Variants in TTC23L observed in about 807,000 individuals in gnomAD.
The protein encoded by TTC23L is tetratricopeptide repeat domain 23 like, also known as tetratricopeptide repeat protein 23-like.
TTC23L carries 42 observed loss-of-function variants against 48.1 expected under a neutral mutation model. The observed-to-expected ratio is 0.87, with a 90% CI of 0.68 to 1.13. The LOEUF (loss-of-function observed/expected upper bound fraction) is 1.13, where lower values mean the gene tolerates loss of function less well. Ranked by LOEUF, TTC23L falls within the 50% of genes most tolerant of loss-of-function variation. The probability of loss-of-function intolerance (pLI) is 0.00; values close to 1 mark genes in which losing one functional copy is unlikely to be tolerated. For missense variants in TTC23L, 391 were observed against 421.0 expected (o/e 0.93, Z 0.62); for synonymous variants, 159 against 157.2 (o/e 1.01, Z -0.09).
the TTC23L span, chr5:34,919,971 A>G: frequency 1.7e-6 from 1 of 572,548 alleles, no homozygotes; most frequent in Admixed American, 3.6e-5. Context: ...GACTTTAAAA[A>G]TTATTTTGTA....
intron 9 of TTC23L, among the ~76,000 whole-genome samples, chr5:34,895,382 G>A (rs1036577879): frequency 2.0e-5 from 3 of 152,316 alleles, no homozygotes; most frequent in African/African-American, 7.2e-5. Flanking sequence ...CTGGTATACT[G>A]TTAAGTGCTC....
At chr5:34,904,372 G>C (rs1763582654), downstream of TTC23L, among the ~76,000 whole-genome samples, 1 of 151,090 alleles carries the variant, frequency 6.6e-6, no homozygotes, top group South Asian at 2.1e-4. Context: ...GAGGCAGGAG[G>C]ATCACAAGGT....
At chr5:34,921,135 C>T in the TTC23L span, 1 of 152,206 alleles carries the variant, frequency 6.6e-6, no homozygotes, top group Non-Finnish European at 1.5e-5. Context: ...GCCACCTCAT[C>T]CAGCCATAAG....
chr5:34,897,875 T>A (rs958857079), intron 10 of TTC23L, among the ~76,000 whole-genome samples: 2 of 152,178 alleles, frequency 1.3e-5, no homozygotes, highest in Non-Finnish European at 2.9e-5. Flanking sequence ...ACTATGATTA[T>A]CTCATCAACT....
the TTC23L span, chr5:34,914,917 G>C: frequency 4.2e-5 from 67 of 1,613,298 alleles, no homozygotes; most frequent in Admixed American, 1.0e-4. Context: ...TCGGCCCCGA[G>C]GGATGCTCCT....
intron 8 of TTC23L, among the ~76,000 whole-genome samples, chr5:34,878,683 AAAAC>A (rs1223441384): frequency 6.6e-6 from 1 of 152,196 alleles, no homozygotes; most frequent in Non-Finnish European, 1.5e-5. Flanking sequence ...AAAAGACAAA[AAAAC>A]AAAAACAGAT....
chr5:34,877,909 A>T (rs1309282832), intron 8 of TTC23L, among the ~76,000 whole-genome samples: 1 of 152,262 alleles, frequency 6.6e-6, no homozygotes. Flanking sequence ...TTATTTGCAG[A>T]TGACATCGTC....
chr5:34,925,347 A>T, the TTC23L span: 1 of 1,614,056 alleles, frequency 6.2e-7, no homozygotes, highest in Non-Finnish European at 8.5e-7. Flanking sequence ...CCCACTGCAG[A>T]TGTTTTTGTA....
At chr5:34,919,661 AAG>A in the TTC23L span, among the ~76,000 whole-genome samples, 2 of 152,288 alleles carry the variant, frequency 1.3e-5, no homozygotes, top group South Asian at 4.1e-4. Flanking sequence ...TACATTTACA[AAG>A]AGTCAAGATT....
chr5:34,915,588 C>A, the TTC23L span: 1 of 1,003,298 alleles, frequency 1.0e-6, no homozygotes, highest in Non-Finnish European at 1.4e-6. Flanking sequence ...GAGAGCCGCG[C>A]GTGCCGCGCC....
At chr5:34,902,476 T>C, downstream of TTC23L, 1 of 301,564 alleles carries the variant, frequency 3.3e-6, no homozygotes, top group South Asian at 3.1e-5. Context: ...TCCAAGTGTA[T>C]CACTATCAAC....
At chr5:34,848,614 A>C (rs1759411833) in intron 3 of TTC23L, among the ~76,000 whole-genome samples, 1 of 152,146 alleles carries the variant, frequency 6.6e-6, no homozygotes, top group Non-Finnish European at 1.5e-5. Context: ...GTGGCCAAAA[A>C]AGGCCTGTTG....
the TTC23L span, chr5:34,906,511 C>G: frequency 6.6e-6 from 1 of 151,974 alleles, no homozygotes; most frequent in African/African-American, 2.4e-5. Flanking sequence ...TGGAGGCATG[C>G]ACCTGTAGTC....
intron 8 of TTC23L, among the ~76,000 whole-genome samples, chr5:34,874,164 A>G (rs1249082808): frequency 2.0e-5 from 3 of 152,222 alleles, no homozygotes; most frequent in African/African-American, 7.2e-5. Context: ...GAGAATCACA[A>G]TGTACCAAAG....
intron 2 of TTC23L, among the ~76,000 whole-genome samples, chr5:34,841,914 A>G (rs548221211): frequency 6.6e-6 from 1 of 152,172 alleles, no homozygotes; most frequent in East Asian, 1.9e-4. Context: ...GGGCTGTCCT[A>G]TATGTTGTAG....
rs139151340 is a variant in TTC23L, at chr5:34,842,879, G to A, written c.68+2140G>A. 3.0e-3 allele frequency among the ~76,000 whole-genome samples: 452 copies of A among 152,312 alleles called. 4 individuals carry two copies. The highest frequency in any genetic ancestry group is 0.01 in the African/African-American group (416 of 41,574). On this transcript the variant is annotated intron_variant, in intron 2 of 10. Transcript: ENST00000505624. ...CTTGCTCTGTCACCCAGGCTGGAGC[G>A]CAGTGGTGTGATCTCAGCTCACTGC... is the stretch of plus-strand genomic sequence containing the variant.
the TTC23L span, chr5:34,916,704 A>C: frequency 2.0e-5 from 3 of 152,252 alleles, no homozygotes; most frequent in African/African-American, 7.2e-5. Context: ...CTCCGCACTT[A>C]GCATAGTACT....
At chr5:34,911,093 C>A in the TTC23L span, among the ~76,000 whole-genome samples, 1 of 152,306 alleles carries the variant, frequency 6.6e-6, no homozygotes, top group African/African-American at 2.4e-5. Flanking sequence ...GTTCTTCCCA[C>A]AATGCTTAAT....
At chr5:34,897,986 T>G (rs1423301621) in intron 10 of TTC23L, among the ~76,000 whole-genome samples, 4 of 152,240 alleles carry the variant, frequency 2.6e-5, no homozygotes, top group Admixed American at 6.5e-5. Context: ...CAGGCAAGCC[T>G]GAGTTCAAAC....
Sources: allele counts gnomAD v4.1 joint callset (sites outside exome capture counted in the v4.1 genomes callset), GRCh38; gene constraint gnomAD v4.1.1; transcripts MANE v1.5; gene names NCBI Gene and HGNC (gene_info 2026-07-23, HGNC 2026-07-21).